Variants in KCNQ1 observed in about 807,000 individuals in gnomAD.
KCNQ1 encodes potassium voltage-gated channel subfamily Q member 1.
A neutral mutation model predicts 72.4 loss-of-function variants in KCNQ1; 49 were observed. The ratio of observed to expected loss-of-function variants is 0.68; its 90% confidence interval spans 0.54 to 0.86. KCNQ1 has a LOEUF of 0.86. KCNQ1 is among the 40% of genes least tolerant of loss of function. The pLI is 0.00. For missense variants in KCNQ1, 790 were observed against 945.1 expected (o/e 0.84, Z 2.15); for synonymous variants, 450 against 412.6 (o/e 1.09, Z -1.10).
Position 2,627,309 on chromosome 11 carries a change from C to T in KCNQ1, c.1394-34652C>T, listed in dbSNP as rs1431919397. The stretch of plus-strand genomic sequence containing the variant: ...ACCTTACATAGTTGCCATGTGTGTG[C>T]GTGTGTGTGGTCAGAATACCTAAGC... On this transcript the variant is annotated intron_variant, in intron 10 of 15. Coordinates refer to ENST00000155840, the MANE Select transcript of KCNQ1 (RefSeq NM_000218.3). This position sits in a 1 kb window ranked among gnomAD's most constrained non-coding sequence, Gnocchi z 4.9. 4 of 398,262 alleles carry T rather than the reference C, an allele frequency of 1.0e-5. No individual in the cohort carries two copies. The highest frequency in any genetic ancestry group is 3.6e-5 in the East Asian group (1 of 28,056). The allele number at this position is 398,262 out of a possible 1,614,324, so 24.7% of individuals were successfully genotyped here.
rs1847888783 is a variant in KCNQ1, at chr11:2,828,795, A to G, written c.1795-18972A>G. On this transcript the variant is annotated intron_variant, in intron 15 of 15. Transcript: ENST00000155840. This position sits in a 1 kb window ranked among gnomAD's most constrained non-coding sequence, Gnocchi z 5.3. ...GAAGACCTCCTCCCCCACTTCCCTCATCAACTCCCAGAATGCCCGGTGGGG... is the reference window on the plus strand; with the variant it reads ...GAAGACCTCCTCCCCCACTTCCCTCGTCAACTCCCAGAATGCCCGGTGGGG... Among the ~76,000 whole-genome samples the G allele has an allele frequency of 6.6e-6, 1 of 152,260 alleles. No individual in the cohort carries two copies.
In KCNQ1 at chr11:2,572,024, T is replaced by A; in HGVS notation, c.695T>A (p.Phe232Tyr). 1 of 1,612,586 alleles carries A rather than the reference T, an allele frequency of 6.2e-7. No homozygotes were observed. The highest frequency in any genetic ancestry group is 8.5e-7 in the Non-Finnish European group (1 of 1,179,734). ...CATCTCCTTCGCAGGGGCATCCGCT[T>A]CCTGCAGATCCTGAGGATGCTACAC... ...FATSAIRGIR[F>Y]LQILRMLHVD... The change falls in exon 5 of 16, where the codon TTC (phenylalanine) becomes TAC (tyrosine). Residue 232 changes from phenylalanine to tyrosine, a missense_variant. Around this residue, in one of 5 missense-constraint regions of KCNQ1, gnomAD observed 133 missense variants for 219.5 expected, o/e 0.61. Transcript: ENST00000155840.
At chr11:2,802,025 T>C (rs1847276598) in intron 15 of KCNQ1, among the ~76,000 whole-genome samples, 1 of 152,230 alleles carries the variant, frequency 6.6e-6, no homozygotes, top group African/African-American at 2.4e-5. Flanking sequence ...TTGTATTCTC[T>C]GTGGCTGGAG....
At chr11:2,666,458 C>T (rs561906365) in intron 11 of KCNQ1, 1 of 398,678 alleles carries the variant, frequency 2.5e-6, no homozygotes, top group African/African-American at 2.1e-5. Flanking sequence ...TCTCCTGGAC[C>T]CTGCAGAATC....
At chr11:2,570,824 C>T (rs1396516299) in intron 3 of KCNQ1, 70 bp downstream of exon 3, 3 of 1,593,990 alleles carry the variant, frequency 1.9e-6, no homozygotes, top group East Asian at 2.2e-5. Flanking sequence ...ACCTCATGAC[C>T]CCTACCAGAT....
In KCNQ1 at chr11:2,483,922, G is replaced by A. The variant is rs186892750; in HGVS notation, c.386+38438G>A. 5.3e-5 allele frequency among the ~76,000 whole-genome samples: 8 copies of A among 152,234 alleles called. No individual in the cohort carries two copies. Among genetic ancestry groups the A allele is most frequent in the Admixed American group, 5.2e-4 (8 of 15,288 alleles). On this transcript the variant is annotated intron_variant, in intron 1 of 15. Transcript: ENST00000155840. The surrounding 1 kb of genome is among the most constrained non-coding windows in gnomAD (Gnocchi z 6.1). Reference sequence around the variant, plus strand: ...CTTTTTTCTCCTGAGATTTTGCCCCGCTGATTTTAGTGCCCATCAGCTGGT... The same window carrying A: ...CTTTTTTCTCCTGAGATTTTGCCCCACTGATTTTAGTGCCCATCAGCTGGT...
At chr11:2,591,607 G>T (rs1411064151) in intron 10 of KCNQ1, among the ~76,000 whole-genome samples, 1 of 152,246 alleles carries the variant, frequency 6.6e-6, no homozygotes, top group Non-Finnish European at 1.5e-5. Context: ...GCCTGGAGAA[G>T]CATCGCTTGC....
intron 15 of KCNQ1, among the ~76,000 whole-genome samples, chr11:2,821,104 G>A (rs1847727802): frequency 6.6e-6 from 1 of 152,258 alleles, no homozygotes; most frequent in East Asian, 1.9e-4. Context: ...TGCTGCCTTG[G>A]TGGGAAGCTT....
chr11:2,718,941 T>C (rs1025883095), intron 11 of KCNQ1, among the ~76,000 whole-genome samples: 3 of 152,248 alleles, frequency 2.0e-5, no homozygotes, highest in Admixed American at 1.3e-4. Flanking sequence ...TGCAGATTCC[T>C]GGGCTATTCC....
rs1042778542 is a variant in KCNQ1, at chr11:2,559,138, G to A, written c.478-11490G>A. Among the ~76,000 whole-genome samples the A allele has an allele frequency of 6.6e-6, 1 of 152,082 alleles. No individual in the cohort carries two copies. The highest frequency in any genetic ancestry group is 1.5e-5 in the Non-Finnish European group (1 of 67,992). Reference sequence around the variant, plus strand: ...TGGCCTGCAGGGAGGTTTTGCTCAAGGAGTGTCCCTTGAGCAAAATATTGC... The same window carrying A: ...TGGCCTGCAGGGAGGTTTTGCTCAAAGAGTGTCCCTTGAGCAAAATATTGC... On this transcript the variant is annotated intron_variant, in intron 2 of 15. Transcript: ENST00000155840. This position sits in a 1 kb window ranked among gnomAD's most constrained non-coding sequence, Gnocchi z 4.9.
chr11:2,642,330 CT>C lies in KCNQ1; in HGVS notation c.1394-19628del. The C allele has an allele frequency of 2.5e-6, 1 of 398,208 alleles. No homozygotes were observed. The highest frequency in any genetic ancestry group is 3.6e-5 in the East Asian group (1 of 28,018). The allele number at this position is 398,208 out of a possible 1,614,324, so 24.7% of individuals were successfully genotyped here. On this transcript the variant is annotated intron_variant, in intron 10 of 15. Coordinates refer to ENST00000155840, the MANE Select transcript of KCNQ1 (RefSeq NM_000218.3). The surrounding 1 kb of genome is among the most constrained non-coding windows in gnomAD (Gnocchi z 4.3). ...TTTCCTTGTTAGAGGTTTCTCACCT[CT>C]TTGGTTAAACTCATTCCTAGATTTT...
At chr11:2,731,865 C>G (rs1041616546) in intron 11 of KCNQ1, among the ~76,000 whole-genome samples, 17 of 152,252 alleles carry the variant, frequency 1.1e-4, no homozygotes, top group Non-Finnish European at 1.9e-4. Context: ...AGCGGCTGCT[C>G]ACAGCCTTCA....
At position 2,745,375 on chromosome 11, in the gene KCNQ1, G is replaced by A. The variant is rs1300971268; in HGVS notation, c.1515-23469G>A. 6.6e-6 allele frequency among the ~76,000 whole-genome samples: 1 copy of A among 152,136 alleles called. No individual in the cohort carries two copies. Among genetic ancestry groups the A allele is most frequent in the Non-Finnish European group, 1.5e-5 (1 of 68,022 alleles). ...GGTCTTGCTTCCATTATTCCTGGAT[G>A]AGACCTTCTTTCCCCTGCTATTTTG... On this transcript the variant is annotated intron_variant, in intron 11 of 15. Transcript: ENST00000155840. The surrounding 1 kb of genome is among the most constrained non-coding windows in gnomAD (Gnocchi z 6.2).
At chr11:2,806,527 G>A (rs769588259) in intron 15 of KCNQ1, among the ~76,000 whole-genome samples, 3 of 152,198 alleles carry the variant, frequency 2.0e-5, no homozygotes, top group East Asian at 1.9e-4. Flanking sequence ...TCCTTACCCC[G>A]GTTGTGCCAG....
chr11:2,662,829 G>C, intron 11 of KCNQ1: 1 of 398,858 alleles, frequency 2.5e-6, no homozygotes, highest in Non-Finnish European at 4.4e-6. Flanking sequence ...GCCCTTCTGA[G>C]GGTCACTTGT....
Position 2,663,891 on chromosome 11 carries a change from C to T in KCNQ1, c.1514+1810C>T, listed in dbSNP as rs1480471935. On this transcript the variant is annotated intron_variant, in intron 11 of 15. Transcript: ENST00000155840. This position sits in a 1 kb window ranked among gnomAD's most constrained non-coding sequence, Gnocchi z 5.2. ...CACCTGCCCAAGGGTGACCCCAAGC[C>T]AGTGTGGCTGTGTCATCTAGGACAC... 2.5e-6 allele frequency: 1 copy of T among 398,590 alleles called. No homozygotes were observed. The highest frequency in any genetic ancestry group is 4.4e-6 in the Non-Finnish European group (1 of 226,126). 24.7% of individuals were successfully genotyped at this position (398,590 alleles called of 1,614,324 possible).
chr11:2,796,858 T>C (rs2134017339), intron 15 of KCNQ1, among the ~76,000 whole-genome samples: 1 of 152,252 alleles, frequency 6.6e-6, no homozygotes, highest in South Asian at 2.1e-4. Context: ...GAGAAAACGA[T>C]GGGGCAGGGA....
chr11:2,719,666 G>A (rs1008893522), intron 11 of KCNQ1, among the ~76,000 whole-genome samples: 1 of 152,204 alleles, frequency 6.6e-6, no homozygotes, highest in African/African-American at 2.4e-5. Flanking sequence ...AGGCCCAGCA[G>A]TAGCAAAGGA....
intron 10 of KCNQ1, chr11:2,609,363 T>G (rs1325369461): frequency 1.5e-5 from 6 of 398,316 alleles, no homozygotes; most frequent in Non-Finnish European, 2.7e-5. Context: ...CTACTTTTAT[T>G]TCATTATATT....
Sources: allele counts gnomAD v4.1 joint callset (sites outside exome capture counted in the v4.1 genomes callset), GRCh38; gene constraint gnomAD v4.1.1; regional missense constraint gnomAD v4.1.1; non-coding constraint Gnocchi (gnomAD v3.1); transcripts MANE v1.5; gene names NCBI Gene and HGNC (gene_info 2026-07-23, HGNC 2026-07-21).